CXCL13: variants seen among roughly 807,000 people sequenced by gnomAD.
CXCL13 encodes the protein C-X-C motif chemokine 13.
In CXCL13, 7 loss-of-function variants were observed where a neutral mutation model predicts 12.2. The ratio of observed to expected loss-of-function variants is 0.57; its 90% CI spans 0.33 to 1.07. The LOEUF (loss-of-function observed/expected upper bound fraction) is 1.07, where lower values mean the gene tolerates loss of function less well. Among genes scored for constraint, CXCL13 ranks in the 50% least tolerant of loss-of-function variants. CXCL13 has a pLI of 0.04. For missense variants in CXCL13, 113 were observed against 127.4 expected, an observed-to-expected ratio of 0.89 and a Z score of 0.55; for synonymous variants, 47 against 42.4, an observed-to-expected ratio of 1.11 and a Z score of -0.42.
rs182099229 is a variant in CXCL13 at position 77,581,714 on chromosome 4, A to G, written c.-42-24110A>G. Among the ~76,000 whole-genome samples the G allele has an allele frequency of 4.6e-3, 706 of 152,232 alleles. 5 individuals are homozygous for G. Among genetic ancestry groups the G allele is most frequent in the African/African-American group, 0.016 (647 of 41,538 alleles). On this transcript the variant is annotated intron_variant, in intron 1 of 4. Transcript: ENST00000286758. ...GAGGACAAAAACCTCCCAAACCTCTACAATCTTTTCCCACTATCCTCTCCC... is the reference window on the plus strand; with the variant it reads ...GAGGACAAAAACCTCCCAAACCTCTGCAATCTTTTCCCACTATCCTCTCCC...
intron 1 of CXCL13, among the ~76,000 whole-genome samples, chr4:77,534,118 G>A (rs1206576571): frequency 6.6e-6 from 1 of 152,190 alleles, no homozygotes; most frequent in Non-Finnish European, 1.5e-5. Flanking sequence ...CCCGTCTTCT[G>A]CGTTGCTCAT....
intron 1 of CXCL13, among the ~76,000 whole-genome samples, chr4:77,559,531 A>T (rs571626284): frequency 6.6e-6 from 1 of 152,138 alleles, no homozygotes; most frequent in East Asian, 1.9e-4. Flanking sequence ...GTTTGAACAC[A>T]TTACAGCTAT....
intron 1 of CXCL13, among the ~76,000 whole-genome samples, chr4:77,523,651 A>G (rs1724678132): frequency 6.6e-6 from 1 of 152,182 alleles, no homozygotes; most frequent in South Asian, 2.1e-4. Context: ...GTGATGGGTT[A>G]GAACATGCTC....
chr4:77,610,172 A>C (rs1389182776), intron 2 of CXCL13, among the ~76,000 whole-genome samples: 1 of 146,806 alleles, frequency 6.8e-6, no homozygotes, highest in Non-Finnish European at 1.5e-5. Flanking sequence ...AATTGCACTG[A>C]ATTTTTTTTT....
intron 1 of CXCL13, among the ~76,000 whole-genome samples, chr4:77,555,743 C>A (rs1306270107): frequency 1.3e-5 from 2 of 152,024 alleles, no homozygotes; most frequent in African/African-American, 4.8e-5. Context: ...TGATGAAAGA[C>A]CTGTATCCAG....
intron 1 of CXCL13, among the ~76,000 whole-genome samples, chr4:77,544,889 G>T (rs1002776941): frequency 2.6e-5 from 4 of 152,056 alleles, no homozygotes; most frequent in African/African-American, 4.8e-5. Context: ...GGTCTAACAT[G>T]CAAGTCTTTA....
chr4:77,529,782 G>A (rs985184453), intron 1 of CXCL13, among the ~76,000 whole-genome samples: 1 of 152,126 alleles, frequency 6.6e-6, no homozygotes, highest in African/African-American at 2.4e-5. Context: ...TCTCCTGCCT[G>A]ATTGCCCTGG....
intron 1 of CXCL13, among the ~76,000 whole-genome samples, chr4:77,541,910 C>T (rs1228497105): frequency 6.6e-6 from 1 of 152,096 alleles, no homozygotes; most frequent in Non-Finnish European, 1.5e-5. Flanking sequence ...TTCTAGTTCT[C>T]CTTGTAGAGA....
At chr4:77,550,178 A>G (rs977108480) in intron 1 of CXCL13, among the ~76,000 whole-genome samples, 1 of 152,200 alleles carries the variant, frequency 6.6e-6, no homozygotes, top group Non-Finnish European at 1.5e-5. Context: ...CTAGTGTGCC[A>G]CTTGCTAAGA....
At chr4:77,538,622 A>C (rs1560519147) in intron 1 of CXCL13, among the ~76,000 whole-genome samples, 1 of 151,834 alleles carries the variant, frequency 6.6e-6, no homozygotes, top group Non-Finnish European at 1.5e-5. Flanking sequence ...AGTCAGGTTC[A>C]CTCTGACAAA....
At chr4:77,605,808 T>C, upstream of CXCL13, 3 of 1,123,578 alleles carry the variant, frequency 2.7e-6, no homozygotes, top group South Asian at 4.9e-5. Context: ...GAGTCTCTGG[T>C]ACTGCAAACC....
At chr4:77,545,818 C>G (rs533650680) in intron 1 of CXCL13, among the ~76,000 whole-genome samples, 107 of 152,302 alleles carry the variant, frequency 7.0e-4, no homozygotes, top group Non-Finnish European at 1.2e-3. Context: ...GCATCCCTGT[C>G]TTGTGACAGT....
At chr4:77,555,896 C>T (rs115405066) in intron 1 of CXCL13, among the ~76,000 whole-genome samples, 5,812 of 152,130 alleles carry the variant, frequency 0.038, 149 homozygotes, top group Middle Eastern at 0.086. Context: ...AAGTTAAAGC[C>T]ACATTGATAT....
intron 1 of CXCL13, among the ~76,000 whole-genome samples, chr4:77,573,968 C>T (rs1726150635): frequency 6.6e-6 from 1 of 151,870 alleles, no homozygotes; most frequent in Admixed American, 6.5e-5. Flanking sequence ...AAGTCATAAC[C>T]TTAAGGCTTA....
chr4:77,593,373 T>A (rs1726664685), intron 1 of CXCL13, among the ~76,000 whole-genome samples: 1 of 152,216 alleles, frequency 6.6e-6, no homozygotes, highest in Admixed American at 6.5e-5. Context: ...ATCTCCCATA[T>A]GTGCCCTGTA....
At chr4:77,558,189 C>A (rs984697146) in intron 1 of CXCL13, among the ~76,000 whole-genome samples, 3 of 152,236 alleles carry the variant, frequency 2.0e-5, no homozygotes, top group East Asian at 1.9e-4. Flanking sequence ...TTCTAAGATG[C>A]CTCTGGCTGT....
intron 1 of CXCL13, among the ~76,000 whole-genome samples, chr4:77,556,033 T>C (rs186321950): frequency 1.3e-5 from 2 of 152,320 alleles, no homozygotes; most frequent in East Asian, 3.9e-4. Flanking sequence ...TACAACCACT[T>C]TAGAAAACAG....
At chr4:77,557,138 C>T (rs115725823) in intron 1 of CXCL13, among the ~76,000 whole-genome samples, 1,584 of 152,228 alleles carry the variant, frequency 0.01, 37 homozygotes, top group African/African-American at 0.036. Flanking sequence ...AAACAGAAAT[C>T]TTCAGTTTCA....
chr4:77,604,195 C>T (rs1452224565), upstream of CXCL13, among the ~76,000 whole-genome samples: 2 of 152,136 alleles, frequency 1.3e-5, no homozygotes, highest in Non-Finnish European at 2.9e-5. Context: ...GGACCGAGCA[C>T]GGTTGGGGTA....
Sources: allele counts gnomAD v4.1 joint callset (sites outside exome capture counted in the v4.1 genomes callset), GRCh38; gene constraint gnomAD v4.1.1; transcripts MANE v1.5; gene names NCBI Gene and HGNC (gene_info 2026-07-23, HGNC 2026-07-21).